The following SMAD3 variants were observed in gnomAD, a reference collection of about 807,000 sequenced individuals.
The protein encoded by SMAD3 is MAD homolog 3.
A neutral mutation model predicts 51.8 loss-of-function variants in SMAD3; 12 were observed. That is an observed-to-expected ratio of 0.23 (90% CI 0.15 to 0.38). The LOEUF (loss-of-function observed/expected upper bound fraction) is 0.38. SMAD3 is among the 10% of genes least tolerant of loss of function. The probability of loss-of-function intolerance (pLI) is 1.00; values close to 1 mark genes in which losing one functional copy is unlikely to be tolerated. For synonymous variants in SMAD3, 238 were observed against 227.7 expected (o/e 1.05, Z -0.41); for missense variants, 294 against 565.6 (o/e 0.52, Z 4.87).
chr15:67,162,996 C>A (rs1261476263), intron 1 of SMAD3, among the ~76,000 whole-genome samples: 1 of 149,484 alleles, frequency 6.7e-6, no homozygotes, highest in African/African-American at 2.5e-5. Context: ...TGATTTGAAA[C>A]GGAGTCTTGC....
At chr15:67,136,328 C>CTTTTTTTTTTTTTTTTTTTTT (rs11355676) in intron 1 of SMAD3, among the ~76,000 whole-genome samples, 4 of 137,118 alleles carry the variant, frequency 2.9e-5, no homozygotes, top group Non-Finnish European at 3.2e-5. Context: ...GTCAGTCATT[C>CTTTTTTTTTTTTTTTTTTTTT]TTTTTTTTTT....
chr15:67,069,486 C>A (rs1960004136), intron 1 of SMAD3, among the ~76,000 whole-genome samples: 2 of 152,194 alleles, frequency 1.3e-5, no homozygotes, highest in African/African-American at 2.4e-5. Flanking sequence ...AGGAGCTCGG[C>A]ACACTTAAAA....
intron 1 of SMAD3, chr15:67,138,472 A>T (rs1035044855): frequency 4.8e-6 from 1 of 209,190 alleles, no homozygotes; most frequent in African/African-American, 2.3e-5. Flanking sequence ...TCATCGCTGT[A>T]CTGAGCGGTT....
At chr15:67,179,493 G>A (rs1962994160) in intron 5 of SMAD3, among the ~76,000 whole-genome samples, 1 of 151,998 alleles carries the variant, frequency 6.6e-6, no homozygotes, top group South Asian at 2.1e-4. Flanking sequence ...ACCTGACCTA[G>A]GGTGTCCTAA....
At chr15:67,174,593 C>T (rs1349103512) in intron 5 of SMAD3, 1 of 152,268 alleles carries the variant, frequency 6.6e-6, no homozygotes, top group Non-Finnish European at 1.5e-5. Flanking sequence ...GGGCTGCAGT[C>T]AGTCAGCAGT....
At chr15:67,102,267 T>TGTGCGGTGTGTGTGTGC (rs781214785) in intron 1 of SMAD3, among the ~76,000 whole-genome samples, 2 of 131,962 alleles carry the variant, frequency 1.5e-5, no homozygotes, top group African/African-American at 5.6e-5. Context: ...TGTGTGTGTG[T>TGTGCGGTGTGTGTGTGC]GCGGTGTGTG....
intron 1 of SMAD3, among the ~76,000 whole-genome samples, chr15:67,149,188 C>T (rs1010349568): frequency 1.3e-5 from 2 of 152,242 alleles, no homozygotes; most frequent in African/African-American, 4.8e-5. Context: ...GCGCACTATG[C>T]TGGTGGCCAA....
At position 67,190,468 on chromosome 15, in the gene SMAD3, T is replaced by C; in HGVS notation, c.1210T>C (p.Leu404=). 1.9e-6 allele frequency: 3 copies of C among 1,614,046 alleles called. No individual in the cohort carries two copies. Among genetic ancestry groups the C allele is most frequent in the Non-Finnish European group, 2.5e-6 (3 of 1,179,966 alleles). Residue 404 remains leucine (L), a synonymous_variant, in exon 9 of 9, where the codon TTG becomes CTG. Transcript: ENST00000327367. ...GATTGAGCTGCACCTGAATGGGCCT[T>C]TGCAGTGGCTTGACAAGGTCCTCAC... ...CWIELHLNGP[L]QWLDKVLTQM... is the part of the protein sequence containing the mutation.
intron 6 of SMAD3, among the ~76,000 whole-genome samples, chr15:67,182,998 AAAAT>A (rs1424816014): frequency 1.7e-3 from 85 of 49,064 alleles, no homozygotes; most frequent in East Asian, 3.1e-3. Flanking sequence ...AAAAAAAAAA[AAAAT>A]ATATATATAT....
chr15:67,170,195 A>C (rs543797656), intron 4 of SMAD3, among the ~76,000 whole-genome samples: 6 of 152,254 alleles, frequency 3.9e-5, no homozygotes, highest in African/African-American at 1.4e-4. Context: ...GGGCATAGTT[A>C]ATAGGGCAGG....
chr15:67,105,038 G>T (rs1960845690), intron 1 of SMAD3, among the ~76,000 whole-genome samples: 1 of 152,222 alleles, frequency 6.6e-6, no homozygotes, highest in African/African-American at 2.4e-5. Flanking sequence ...AAAGCCACCT[G>T]TGGCTCCATC....
intron 6 of SMAD3, among the ~76,000 whole-genome samples, chr15:67,183,025 ATATATATTT>A (rs1963122463): frequency 2.9e-5 from 2 of 69,604 alleles, no homozygotes; most frequent in Non-Finnish European, 4.9e-5. Context: ...ATATATATAT[ATATATATTT>A]TTTTTTTTTT....
intron 6 of SMAD3, 125 bp from the exon 7 acceptor site, chr15:67,184,602 C>G (rs1595960211): frequency 8.2e-7 from 1 of 1,221,018 alleles, no homozygotes; most frequent in Non-Finnish European, 1.2e-6. Context: ...GCCCGTTTGC[C>G]TGGGGAAGCT....
At chr15:67,162,946 G>GTGGTGATGA (rs1378886371) in intron 1 of SMAD3, among the ~76,000 whole-genome samples, 1 of 145,348 alleles carries the variant, frequency 6.9e-6, no homozygotes, top group African/African-American at 2.6e-5. Context: ...GTAGGTTTCT[G>GTGGTGATGA]TGATGATGAT....
chr15:67,068,236 A>G (rs994428597), intron 1 of SMAD3, among the ~76,000 whole-genome samples: 2 of 152,260 alleles, frequency 1.3e-5, no homozygotes, highest in African/African-American at 2.4e-5. Context: ...AGTCATAGAC[A>G]TGGGGTTCTG....
intron 1 of SMAD3, chr15:67,137,987 T>A (rs889548262): frequency 3.5e-6 from 5 of 1,433,866 alleles, no homozygotes; most frequent in African/African-American, 1.4e-5. Context: ...ATCATCAGAA[T>A]CCCTCCCTCC....
intron 5 of SMAD3, among the ~76,000 whole-genome samples, chr15:67,177,091 G>C (rs901700876): frequency 2.0e-5 from 3 of 152,128 alleles, no homozygotes; most frequent in South Asian, 2.1e-4. Context: ...TTGCTTGCTT[G>C]ATCAGTTGAT....
chr15:67,131,513 G>A (rs72743447), intron 1 of SMAD3, among the ~76,000 whole-genome samples: 1,541 of 152,304 alleles, frequency 0.01, 12 homozygotes, highest in Non-Finnish European at 0.017. Context: ...GGTGGCTGAT[G>A]TCTGTTGCAT....
chr15:67,107,422 G>A (rs1960903523), intron 1 of SMAD3, among the ~76,000 whole-genome samples: 1 of 152,124 alleles, frequency 6.6e-6, no homozygotes, highest in African/African-American at 2.4e-5. Context: ...TCTCAGCTCT[G>A]CTTTCTGGGG....
Sources: gnomAD v4.1 joint callset for allele counts (sites outside exome capture counted in the v4.1 genomes callset) on GRCh38, gnomAD v4.1.1 for gene constraint, MANE v1.5 for transcripts, NCBI Gene and HGNC (gene_info 2026-07-23, HGNC 2026-07-21) for gene names.